DNAH11: variants seen among roughly 807,000 people sequenced by gnomAD.
DNAH11 encodes axonemal beta dynein heavy chain 11.
Under a neutral mutation model 526.0 loss-of-function variants are expected in DNAH11, and 442 were observed. The observed-to-expected ratio is 0.84, with a 90% CI of 0.78 to 0.91. The LOEUF is 0.91. Ranked by LOEUF, DNAH11 falls within the 40% of genes least tolerant of loss-of-function variation. The pLI, the probability that DNAH11 is intolerant of heterozygous loss-of-function variation, is 0.00. For missense variants in DNAH11, 6,989 were observed against 5,448.7 expected, an observed-to-expected ratio of 1.28 and a Z score of -8.90; for synonymous variants, 2,461 against 1,935.9, an observed-to-expected ratio of 1.27 and a Z score of -7.12.
At position 21,591,336 on chromosome 7, in the gene DNAH11, G is replaced by A. The variant is rs540459682; in HGVS notation, c.2426G>A (p.Cys809Tyr). 9 of 1,613,800 alleles carry A rather than the reference G, an allele frequency of 5.6e-6. No homozygotes were observed. In the African/African-American group the frequency reaches 1.2e-4, roughly 22 times the overall value. Residue 809 changes from cysteine (C) to tyrosine (Y), a missense_variant, in exon 14 of 82, where the codon TGC becomes TAC. Transcript: ENST00000409508. Reference protein sequence around the residue: ...ATTWLTWQDDCWGYIERVRAA... With the variant: ...ATTWLTWQDDYWGYIERVRAA... ...ACGTGGCTGACATGGCAGGATGACTGCTGGGGCTACATCGAGAGGGTGAGG... is the reference window on the plus strand; with the variant it reads ...ACGTGGCTGACATGGCAGGATGACTACTGGGGCTACATCGAGAGGGTGAGG...
chr7:21,649,747 C>T lies in DNAH11; in HGVS notation c.4945-6085C>T, dbSNP rs191460773. Among the ~76,000 whole-genome samples, 100 of 151,532 alleles carry T rather than the reference C, an allele frequency of 6.6e-4. 1 individual carries two copies. Among genetic ancestry groups the T allele is most frequent in the Non-Finnish European group, 1.2e-3 (82 of 67,930 alleles). The stretch of plus-strand genomic sequence containing the variant: ...ATAGTGCAATCTGGACTCACTGCAA[C>T]CTCCACCTCCTGGGTTCAAGCAATT... On this transcript the variant is annotated intron_variant, in intron 28 of 81. Transcript: ENST00000409508.
At position 21,590,906 on chromosome 7, in the gene DNAH11, G is replaced by A. The variant is rs117981425; in HGVS notation, c.2170-12G>A. ...AAAATATGCAATAATTTTAATAATT[G>A]TATTTTAATAGCTAGTGGCTGTATT... On this transcript the variant is annotated splice_polypyrimidine_tract_variant and intron_variant, in intron 12 of 81. Coordinates refer to ENST00000409508, the MANE Select transcript of DNAH11 (RefSeq NM_001277115.2). 238 of 1,340,582 alleles carry A rather than the reference G, an allele frequency of 1.8e-4. 2 individuals carry two copies. In the East Asian group the frequency reaches 5.5e-3, roughly 31 times the overall value. The allele number at this position is 1,340,582 out of a possible 1,614,324, so 83.0% of individuals were successfully genotyped here.
intron 20 of DNAH11, among the ~76,000 whole-genome samples, chr7:21,610,974 G>T (rs1210931675): frequency 6.6e-6 from 1 of 152,216 alleles, no homozygotes; most frequent in Non-Finnish European, 1.5e-5. Context: ...GGTTGTGATG[G>T]TTAAATTTAG....
intron 30 of DNAH11, among the ~76,000 whole-genome samples, chr7:21,668,823 T>C (rs1041041835): frequency 6.6e-6 from 1 of 152,182 alleles, no homozygotes; most frequent in African/African-American, 2.4e-5. Context: ...TGTGAACATA[T>C]ATTTTCATTT....
rs1562691890 is a variant in DNAH11 at position 21,601,048 on chromosome 7, A to G, written c.3294A>G (p.Lys1098=). The change falls in exon 17 of 82, where the codon AAA becomes AAG. Residue 1098 remains lysine (K), a synonymous_variant. Transcript: ENST00000409508. ...AAGCTTTGTATGTTCAAATGAGCAA[A>G]TTTGAGGACTTTAGAGTGTTTGATA... ...IYEALYVQMS[K]FEDFRVFDSW... 6.2e-7 allele frequency: 1 copy of G among 1,612,062 alleles called. No individual in the cohort carries two copies. The highest frequency in any genetic ancestry group is 1.3e-5 in the African/African-American group (1 of 74,896).
chr7:21,817,679 T>C (rs1789860584), intron 64 of DNAH11, among the ~76,000 whole-genome samples: 1 of 151,876 alleles, frequency 6.6e-6, no homozygotes, highest in African/African-American at 2.4e-5. Context: ...GACAACAGAG[T>C]GAGACCACCA....
Position 21,749,865 on chromosome 7 carries a change from G to A in DNAH11, c.8797+64G>A, listed in dbSNP as rs988565384. The A allele has an allele frequency of 5.0e-5, 80 of 1,598,072 alleles. No homozygotes were observed. In the Middle Eastern group the frequency reaches 1.0e-3, roughly 20 times the overall value. On this transcript the variant is annotated intron_variant, in intron 53 of 81. Coordinates refer to ENST00000409508, the MANE Select transcript of DNAH11 (RefSeq NM_001277115.2). ...ATGACAAATTATCTGTAGTTTCAGTGAACTTTAAAGAGAGAGAATTCGTCT... is the reference window on the plus strand; with the variant it reads ...ATGACAAATTATCTGTAGTTTCAGTAAACTTTAAAGAGAGAGAATTCGTCT...
At position 21,711,945 on chromosome 7, in the gene DNAH11, A is replaced by G. The variant is rs1159353972; in HGVS notation, c.6983+85A>G. 3.4e-6 allele frequency: 5 copies of G among 1,467,876 alleles called. No individual in the cohort carries two copies. In the African/African-American group the frequency reaches 7.0e-5, roughly 21 times the overall value. 90.9% of individuals were successfully genotyped at this position (1,467,876 alleles called of 1,614,324 possible). A position where few individuals can be genotyped will look rare whatever the true frequency, so the allele number is the denominator to read the frequency against. On this transcript the variant is annotated intron_variant, in intron 42 of 81. Coordinates refer to ENST00000409508, the MANE Select transcript of DNAH11 (RefSeq NM_001277115.2). ...TCATAATTTTTGCTTAAGCACATTC[A>G]TGTTGTTGCACAGCTGTCACCACCA... is the stretch of plus-strand genomic sequence containing the variant.
intron 52 of DNAH11, among the ~76,000 whole-genome samples, chr7:21,749,082 G>GCA (rs1786287577): frequency 6.6e-6 from 1 of 151,898 alleles, no homozygotes. Context: ...TGATAGGTTG[G>GCA]GGAAAAAAGA....
rs1784231651 is a variant in DNAH11 at position 21,705,549 on chromosome 7, T to C, written c.6546+12T>C. The C allele has an allele frequency of 9.3e-6, 15 of 1,612,384 alleles. No homozygotes were observed. The highest frequency in any genetic ancestry group is 1.2e-5 in the Non-Finnish European group (14 of 1,178,680). On this transcript the variant is annotated intron_variant, in intron 39 of 81. Coordinates refer to ENST00000409508, the MANE Select transcript of DNAH11 (RefSeq NM_001277115.2). Reference sequence around the variant, plus strand: ...CAGGAAAGAGTAAGGTATAGTAAATTGCCTAATAGCTTACAGCTATGGAAA... The same window carrying C: ...CAGGAAAGAGTAAGGTATAGTAAATCGCCTAATAGCTTACAGCTATGGAAA...
chr7:21,547,617 C>T (rs903674307), intron 2 of DNAH11, among the ~76,000 whole-genome samples: 8 of 152,118 alleles, frequency 5.3e-5, no homozygotes, highest in African/African-American at 9.7e-5. Context: ...TTCCCAATAA[C>T]GAAACTTTCT....
At chr7:21,588,657 C>A in intron 11 of DNAH11, 21 bp downstream of exon 11, 1 of 1,609,958 alleles carries the variant, frequency 6.2e-7, no homozygotes, top group South Asian at 1.1e-5. Context: ...AAGCTTAGGT[C>A]ATGGCAAGTT....
chr7:21,678,412 G>A (rs867075098), intron 30 of DNAH11, among the ~76,000 whole-genome samples: 14 of 152,036 alleles, frequency 9.2e-5, no homozygotes, highest in African/African-American at 3.4e-4. Flanking sequence ...ACTGGTCTAT[G>A]TGCCTTTTTG....
At chr7:21,591,823 T>C (rs374533779) in intron 14 of DNAH11, among the ~76,000 whole-genome samples, 49 of 152,194 alleles carry the variant, frequency 3.2e-4, no homozygotes, top group African/African-American at 1.1e-3. Context: ...GAAAGGCTAG[T>C]GATAGAATCT....
chr7:21,742,299 G>A (rs1339920030), intron 49 of DNAH11, 133 bp downstream of exon 49: 1 of 1,113,150 alleles, frequency 9.0e-7, no homozygotes, highest in East Asian at 2.6e-5. Context: ...GGTTTAATTG[G>A]CTTATGGTTC....
chr7:21,605,359 T>C (rs1013449787), intron 18 of DNAH11, among the ~76,000 whole-genome samples: 1 of 152,216 alleles, frequency 6.6e-6, no homozygotes, highest in Non-Finnish European at 1.5e-5. Context: ...GAACAATTCT[T>C]TGTTAATTGG....
chr7:21,676,194 A>C (rs1782875424), intron 30 of DNAH11, among the ~76,000 whole-genome samples: 1 of 152,192 alleles, frequency 6.6e-6, no homozygotes, highest in Non-Finnish European at 1.5e-5. Flanking sequence ...CTGTACTTGC[A>C]CTCTAATGAA....
intron 65 of DNAH11, among the ~76,000 whole-genome samples, chr7:21,825,283 A>G (rs756670186): frequency 7.2e-5 from 11 of 152,198 alleles, no homozygotes; most frequent in Non-Finnish European, 1.6e-4. Flanking sequence ...TGATGCTGCT[A>G]TGAATATTAC....
intron 30 of DNAH11, among the ~76,000 whole-genome samples, chr7:21,660,810 A>C (rs561646267): frequency 6.6e-6 from 1 of 152,084 alleles, no homozygotes; most frequent in Non-Finnish European, 1.5e-5. Context: ...TACACATTTT[A>C]AAAAATTATT....
Sources: allele counts gnomAD v4.1 joint callset (sites outside exome capture counted in the v4.1 genomes callset), GRCh38; gene constraint gnomAD v4.1.1; transcripts MANE v1.5; gene names NCBI Gene and HGNC (gene_info 2026-07-23, HGNC 2026-07-21).